ARSF: variants seen among roughly 807,000 people sequenced by gnomAD.
ARSF encodes the protein arylsulfatase F.
Under a neutral mutation model 35.4 loss-of-function variants are expected in ARSF, and 33 were observed. That is an observed-to-expected ratio of 0.93 (90% CI 0.71 to 1.25). The LOEUF (loss-of-function observed/expected upper bound fraction) is 1.25, where lower values mean the gene tolerates loss of function less well. ARSF is among the 50% of genes most tolerant of loss of function. The pLI, the probability that ARSF is intolerant of heterozygous loss-of-function variation, is 0.00. For synonymous variants in ARSF, 222 were observed against 193.1 expected, an observed-to-expected ratio of 1.15 and a Z score of -1.24; for missense variants, 501 against 480.2, an observed-to-expected ratio of 1.04 and a Z score of -0.40.
chrX:3,081,118 T>G (rs2090198445), intron 5 of ARSF, 105 bp downstream of exon 5: 1 of 1,046,858 alleles, frequency 9.6e-7, no homozygotes, highest in Non-Finnish European at 1.3e-6. Context: ...TTACAATGTC[T>G]TATGTAAAGG....
Position 3,071,884 on chromosome X carries a change from G to A in ARSF, c.12-142G>A, listed in dbSNP as rs1175921142. 11 of 584,575 alleles carry A rather than the reference G, an allele frequency of 1.9e-5. No homozygotes were observed. The African/African-American group carries it at 2.5e-4, about 13-fold the overall frequency. The allele number at this position is 584,575 out of a possible 1,213,427, so 48.2% of individuals were successfully genotyped here. On this transcript the variant is annotated intron_variant, in intron 2 of 10. Coordinates refer to ENST00000381127, the MANE Select transcript of ARSF (RefSeq NM_001201539.2). Reference sequence around the variant, plus strand: ...CATTCAGCAGCAGTGCTCGGTGCTTGGAGAGAGACACTCTTGAGCTTCAGG... The same window carrying A: ...CATTCAGCAGCAGTGCTCGGTGCTTAGAGAGAGACACTCTTGAGCTTCAGG...
intron 9 of ARSF, among the ~76,000 whole-genome samples, chrX:3,107,267 G>C (rs912826999): frequency 9.0e-5 from 10 of 110,970 alleles, no homozygotes; most frequent in Middle Eastern, 4.8e-3. Flanking sequence ...CAAAAAAGTT[G>C]CAAGCTATAA....
chrX:3,064,967 CATT>C (rs2090057375), intron 1 of ARSF, among the ~76,000 whole-genome samples: 1 of 111,391 alleles, frequency 9.0e-6, no homozygotes, highest in Non-Finnish European at 1.9e-5. Context: ...ATACCCAAAG[CATT>C]ATAAATCATG....
At chrX:3,060,655 T>C (rs1434684875) in intron 1 of ARSF, among the ~76,000 whole-genome samples, 1 of 111,700 alleles carries the variant, frequency 9.0e-6, no homozygotes, top group Non-Finnish European at 1.9e-5. Context: ...GCATAAGAGC[T>C]ACGTGATGCA....
chrX:3,065,290 G>C (rs1463461171), intron 1 of ARSF, among the ~76,000 whole-genome samples: 2 of 103,814 alleles, frequency 1.9e-5, no homozygotes, highest in Non-Finnish European at 3.9e-5. Context: ...GTTGTGGGGT[G>C]GGGGGTTGGG....
chrX:3,042,461 A>G (rs1342422993), intron 1 of ARSF, among the ~76,000 whole-genome samples: 5 of 111,880 alleles, frequency 4.5e-5, no homozygotes, highest in African/African-American at 1.6e-4. Flanking sequence ...ATATGTTCTT[A>G]TTCAAAGCTA....
chrX:3,076,381 T>C (rs762686582), intron 3 of ARSF, among the ~76,000 whole-genome samples, 167 bp from the exon 4 acceptor site: 2 of 109,481 alleles, frequency 1.8e-5, no homozygotes, highest in African/African-American at 6.7e-5. Flanking sequence ...TCTCTCTCTC[T>C]GCCTCGCTTT....
chrX:3,083,612 A>G lies in ARSF; in HGVS notation c.407-631A>G, dbSNP rs143938958. On this transcript the variant is annotated intron_variant, in intron 5 of 10. Coordinates refer to ENST00000381127, the MANE Select transcript of ARSF (RefSeq NM_001201539.2). The stretch of plus-strand genomic sequence containing the variant: ...TCTGTCTACATATTATCTATCATCT[A>G]TCTTTCTTTCTATCATCTCTATTTA... Among the ~76,000 whole-genome samples the G allele has an allele frequency of 1.9e-3, 205 of 109,633 alleles. 2 individuals are homozygous for G. Among genetic ancestry groups the G allele is most frequent in the African/African-American group, 6.5e-3 (196 of 30,123 alleles).
intron 7 of ARSF, among the ~76,000 whole-genome samples, chrX:3,099,484 C>T (rs917002767): frequency 8.1e-5 from 9 of 110,990 alleles, no homozygotes; most frequent in African/African-American, 2.6e-4. Context: ...GAATAAAGAC[C>T]GGGTATCATC....
chrX:3,063,615 T>C (rs2090051296), intron 1 of ARSF, among the ~76,000 whole-genome samples: 1 of 112,037 alleles, frequency 8.9e-6, no homozygotes, highest in African/African-American at 3.2e-5. Flanking sequence ...AGTCTCAGGA[T>C]ACAAAATCAA....
chrX:3,076,772 C>T (rs2090155587), intron 4 of ARSF, 103 bp downstream of exon 4: 6 of 1,062,632 alleles, frequency 5.6e-6, no homozygotes, highest in Middle Eastern at 2.6e-4. Context: ...GGGCTGGGCA[C>T]GATGGCTCAC....
intron 4 of ARSF, among the ~76,000 whole-genome samples, chrX:3,078,145 C>T (rs764672958): frequency 1.1e-4 from 12 of 109,946 alleles, no homozygotes; most frequent in Non-Finnish European, 2.1e-4. Context: ...ATGAGAAGAA[C>T]GAAATTATCG....
intron 7 of ARSF, among the ~76,000 whole-genome samples, chrX:3,095,492 T>C (rs1404176307): frequency 1.8e-5 from 2 of 109,061 alleles, no homozygotes; most frequent in African/African-American, 6.6e-5. Flanking sequence ...CTATCTTATA[T>C]ATATCACAAT....
chrX:3,045,788 C>T (rs754626735), intron 1 of ARSF, among the ~76,000 whole-genome samples: 23 of 110,780 alleles, frequency 2.1e-4, no homozygotes, highest in Middle Eastern at 4.7e-3. Context: ...CTCCTGACCT[C>T]AGGTGATCTG....
intron 1 of ARSF, among the ~76,000 whole-genome samples, chrX:3,051,487 C>T (rs1037911373): frequency 1.8e-5 from 2 of 111,784 alleles, no homozygotes; most frequent in African/African-American, 3.3e-5. Context: ...AAAAGAGTTC[C>T]GTGATGAAAC....
chrX:3,040,980 C>A (rs183544998), upstream of ARSF, among the ~76,000 whole-genome samples: 23 of 111,493 alleles, frequency 2.1e-4, no homozygotes, highest in East Asian at 4.5e-3. Flanking sequence ...GGAGACATAG[C>A]ATGTAAGGAT....
chrX:3,046,827 G>A (rs781556616), intron 1 of ARSF, among the ~76,000 whole-genome samples: 3 of 111,073 alleles, frequency 2.7e-5, no homozygotes, highest in African/African-American at 9.8e-5. Flanking sequence ...TGGAGGAAGG[G>A]CAAAACCAAG....
intron 1 of ARSF, among the ~76,000 whole-genome samples, chrX:3,067,831 C>A (rs2090076002): frequency 9.4e-6 from 1 of 106,468 alleles, no homozygotes; most frequent in African/African-American, 3.5e-5. Context: ...TGCACTCCAG[C>A]CTGGGTGACA....
chrX:3,084,997 T>C (rs1298321214), intron 6 of ARSF, among the ~76,000 whole-genome samples: 1 of 111,139 alleles, frequency 9.0e-6, no homozygotes, highest in Admixed American at 9.7e-5. Context: ...ATTAAAAATA[T>C]TGAGTTAGGA....
Sources: allele counts gnomAD v4.1 joint callset (sites outside exome capture counted in the v4.1 genomes callset), GRCh38; gene constraint gnomAD v4.1.1; transcripts MANE v1.5; gene names NCBI Gene and HGNC (gene_info 2026-07-23, HGNC 2026-07-21).